ASCC3: variants seen among roughly 807,000 people sequenced by gnomAD.
The protein encoded by ASCC3 is ASC-1 complex subunit P200.
A neutral mutation model predicts 256.3 loss-of-function variants in ASCC3; 158 were observed. The observed-to-expected ratio is 0.62, with a 90% CI of 0.54 to 0.70. The LOEUF (loss-of-function observed/expected upper bound fraction) is 0.70. Among genes scored for constraint, ASCC3 ranks in the 30% least tolerant of loss-of-function variants. The pLI is 0.00. For synonymous variants in ASCC3, 948 were observed against 883.4 expected (o/e 1.07, Z -1.30); for missense variants, 2,259 against 2,626.0 (o/e 0.86, Z 3.05).
chr6:100,573,016 G>A (rs1770676434), intron 36 of ASCC3, among the ~76,000 whole-genome samples: 1 of 152,066 alleles, frequency 6.6e-6, no homozygotes, highest in African/African-American at 2.4e-5. Flanking sequence ...GCATGAAGGG[G>A]TATTTTCCAT....
At chr6:100,589,808 T>A (rs757220925) in intron 35 of ASCC3, 40 bp from the exon 36 acceptor site, 1 of 1,610,504 alleles carries the variant, frequency 6.2e-7, no homozygotes, top group Non-Finnish European at 8.5e-7. Context: ...ACGATGAAAG[T>A]ACATATCTTT....
intron 1 of ASCC3, among the ~76,000 whole-genome samples, chr6:100,874,464 CAA>C (rs530326162): frequency 2.1e-4 from 16 of 77,634 alleles, no homozygotes; most frequent in Middle Eastern, 0.01. Context: ...GACTCTGTCT[CAA>C]AAAAAAAAAA....
intron 13 of ASCC3, among the ~76,000 whole-genome samples, chr6:100,680,988 G>A (rs1022773389): frequency 1.3e-5 from 2 of 152,132 alleles, no homozygotes; most frequent in Admixed American, 6.5e-5. Context: ...GGGGAATGAG[G>A]TCTGGGATTT....
intron 5 of ASCC3, among the ~76,000 whole-genome samples, chr6:100,805,236 C>G (rs1465930697): frequency 3.9e-4 from 60 of 152,114 alleles, no homozygotes; most frequent in East Asian, 3.9e-4. Flanking sequence ...CAGCTGGAGG[C>G]CATTATCCTA....
intron 36 of ASCC3, among the ~76,000 whole-genome samples, chr6:100,543,175 C>A (rs1370343546): frequency 6.6e-6 from 1 of 152,058 alleles, no homozygotes; most frequent in Non-Finnish European, 1.5e-5. Context: ...TTACACATAT[C>A]CTCCTGTATA....
At chr6:100,687,398 T>C (rs1337875413) in intron 13 of ASCC3, among the ~76,000 whole-genome samples, 1 of 152,290 alleles carries the variant, frequency 6.6e-6, no homozygotes, top group Non-Finnish European at 1.5e-5. Context: ...TGTCTCGCTC[T>C]GTCGCCAGGC....
intron 36 of ASCC3, among the ~76,000 whole-genome samples, chr6:100,578,755 C>T (rs1365009352): frequency 6.6e-6 from 1 of 151,978 alleles, no homozygotes; most frequent in Non-Finnish European, 1.5e-5. Flanking sequence ...TACGGCAGAA[C>T]AATTTTTATT....
chr6:100,658,245 A>C (rs17060831), intron 16 of ASCC3, among the ~76,000 whole-genome samples: 1,900 of 151,690 alleles, frequency 0.013, 45 homozygotes, highest in African/African-American at 0.045. Context: ...ATAGTGTGAT[A>C]GTTTTATGCT....
chr6:100,860,304 C>G (rs1773159762), intron 3 of ASCC3, among the ~76,000 whole-genome samples: 2 of 151,866 alleles, frequency 1.3e-5, no homozygotes, highest in South Asian at 4.2e-4. Context: ...GATTAAGGAC[C>G]AAGAATACTA....
At chr6:100,843,256 T>C (rs538920082) in intron 4 of ASCC3, among the ~76,000 whole-genome samples, 2 of 152,240 alleles carry the variant, frequency 1.3e-5, no homozygotes, top group South Asian at 2.1e-4. Flanking sequence ...AAATACACAG[T>C]CTTCCCTCAG....
At chr6:100,558,908 A>G (rs1172684444) in intron 36 of ASCC3, among the ~76,000 whole-genome samples, 1 of 152,152 alleles carries the variant, frequency 6.6e-6, no homozygotes. Flanking sequence ...TGAAGTGTCA[A>G]TCTTTGAATT....
chr6:100,795,560 A>G (rs1013520962), intron 8 of ASCC3, among the ~76,000 whole-genome samples: 1 of 152,136 alleles, frequency 6.6e-6, no homozygotes, highest in African/African-American at 2.4e-5. Flanking sequence ...AAGAGTTCCA[A>G]CTGAGTGACT....
chr6:100,755,366 CT>C (rs56147910), intron 10 of ASCC3, among the ~76,000 whole-genome samples: 1 of 149,146 alleles, frequency 6.7e-6, no homozygotes, highest in African/African-American at 2.5e-5. Context: ...TGTGCTTCCT[CT>C]TTTTTTTTTC....
chr6:100,651,399 T>G (rs1009797258), intron 19 of ASCC3, among the ~76,000 whole-genome samples, 161 bp downstream of exon 19: 6 of 151,932 alleles, frequency 3.9e-5, no homozygotes, highest in Admixed American at 3.9e-4. Flanking sequence ...TGATGTAATA[T>G]TATAATCTAG....
At chr6:100,517,897 T>A (rs1774112768) in intron 38 of ASCC3, 94 bp downstream of exon 38, 1 of 1,341,656 alleles carries the variant, frequency 7.5e-7, no homozygotes, top group East Asian at 2.5e-5. Context: ...ATAATCAGTA[T>A]TCTCCATAAC....
chr6:100,784,754 T>C (rs1387006535), intron 8 of ASCC3, among the ~76,000 whole-genome samples: 1 of 152,064 alleles, frequency 6.6e-6, no homozygotes, highest in Non-Finnish European at 1.5e-5. Flanking sequence ...GTTACATTTT[T>C]AATATTATTT....
Position 100,756,924 on chromosome 6 carries a change from T to C in ASCC3, c.1737+9641A>G, listed in dbSNP as rs138022216. On this transcript the variant is annotated intron_variant, in intron 10 of 41. Transcript: ENST00000369162. The stretch of plus-strand genomic sequence containing the variant: ...AATCTTTTAAAATGTACAAGACCTA[T>C]GACGAAATACATTTTTGAAGAGCTT... Among the ~76,000 whole-genome samples, 358 of 152,240 alleles carry C rather than the reference T, an allele frequency of 2.4e-3. 2 individuals carry two copies. The highest frequency in any genetic ancestry group is 3.5e-3 in the Non-Finnish European group (241 of 67,998).
rs1780020465 is a variant in ASCC3, at chr6:100,733,837, C to T, written c.1738-8134G>A. Among the ~76,000 whole-genome samples, 3 of 152,102 alleles carry T rather than the reference C, an allele frequency of 2.0e-5. No homozygotes were observed. In the South Asian group the frequency reaches 6.2e-4, roughly 32 times the overall value. On this transcript the variant is annotated intron_variant, in intron 10 of 41. Transcript: ENST00000369162. Reference sequence around the variant, plus strand: ...GTAAAGCATTCAAATCACAAAGAGACTCTCCCATCTCCTCTCCACTAGCTT... The same window carrying T: ...GTAAAGCATTCAAATCACAAAGAGATTCTCCCATCTCCTCTCCACTAGCTT...
At chr6:100,598,603 C>T (rs1772435913) in intron 34 of ASCC3, among the ~76,000 whole-genome samples, 1 of 152,068 alleles carries the variant, frequency 6.6e-6, no homozygotes, top group Non-Finnish European at 1.5e-5. Context: ...AAATAGAAGG[C>T]AGTTTGTAAC....
Sources: gnomAD v4.1 joint callset for allele counts (sites outside exome capture counted in the v4.1 genomes callset) on GRCh38, gnomAD v4.1.1 for gene constraint, MANE v1.5 for transcripts, NCBI Gene and HGNC (gene_info 2026-07-23, HGNC 2026-07-21) for gene names.